Variants in ANO3 observed in about 807,000 individuals in gnomAD.
ANO3 encodes anoctamin 3.
Under a neutral mutation model 144.8 loss-of-function variants are expected in ANO3, and 99 were observed. That is an observed-to-expected ratio of 0.68 (90% CI 0.58 to 0.81). The LOEUF is 0.81. Ranked by LOEUF, ANO3 falls within the 30% of genes least tolerant of loss-of-function variation. The pLI is 0.00. For missense variants in ANO3, 905 were observed against 1,202.2 expected (o/e 0.75, Z 3.66); for synonymous variants, 414 against 392.6 (o/e 1.05, Z -0.64).
intron 3 of ANO3, among the ~76,000 whole-genome samples, chr11:26,447,595 G>T (rs1287082440): frequency 6.6e-6 from 1 of 152,176 alleles, no homozygotes; most frequent in Admixed American, 6.5e-5. Context: ...ACAAGGTGAA[G>T]ATAAAGCTGC....
intron 10 of ANO3, among the ~76,000 whole-genome samples, chr11:26,538,142 G>C (rs1050078029): frequency 2.0e-5 from 3 of 152,150 alleles, no homozygotes; most frequent in African/African-American, 7.2e-5. Flanking sequence ...ACCAATAGTA[G>C]ATAAAATGTA....
intron 22 of ANO3, 54 bp from the exon 23 acceptor site, chr11:26,643,128 A>G (rs780055155): frequency 6.4e-7 from 1 of 1,568,662 alleles, no homozygotes; most frequent in Non-Finnish European, 8.7e-7. Context: ...TAAAGCACCA[A>G]ATTTGTCACA....
chr11:26,315,156 G>A (rs1348242997), intron 1 of ANO3, among the ~76,000 whole-genome samples: 1 of 151,734 alleles, frequency 6.6e-6, no homozygotes, highest in Admixed American at 6.6e-5. Flanking sequence ...CAGATGAAGA[G>A]CAATTCATCT....
chr11:26,200,928 T>G lies in ANO3; in HGVS notation c.154+11598T>G, dbSNP rs1418677647. Among the ~76,000 whole-genome samples the G allele has an allele frequency of 2.0e-5, 3 of 152,172 alleles. No homozygotes were observed. In the East Asian group the frequency reaches 5.8e-4, roughly 29 times the overall value. On this transcript the variant is annotated intron_variant, in intron 1 of 27. Transcript: ENST00000672621. ...ATTAACACCCCTCCACAAAAATCTTTCCTGCTTTAAATTCTCAAAGTTTAA... is the reference window on the plus strand; with the variant it reads ...ATTAACACCCCTCCACAAAAATCTTGCCTGCTTTAAATTCTCAAAGTTTAA...
At chr11:26,216,876 G>A (rs1161104450) in intron 1 of ANO3, among the ~76,000 whole-genome samples, 1 of 152,100 alleles carries the variant, frequency 6.6e-6, no homozygotes, top group East Asian at 1.9e-4. Context: ...TTGGTGAGCT[G>A]TCTGTTCAAA....
intron 11 of ANO3, among the ~76,000 whole-genome samples, chr11:26,543,630 C>T (rs559710556): frequency 1.2e-3 from 181 of 152,164 alleles, no homozygotes; most frequent in African/African-American, 4.2e-3. Flanking sequence ...CACGACAGGC[C>T]CCAGTGTGTG....
chr11:26,345,063 C>T (rs1193567024), intron 1 of ANO3, among the ~76,000 whole-genome samples: 1 of 152,084 alleles, frequency 6.6e-6, no homozygotes. Flanking sequence ...AAATTTTCCT[C>T]ATGTAATCTG....
intron 18 of ANO3, among the ~76,000 whole-genome samples, chr11:26,630,925 C>G (rs888397670): frequency 6.6e-6 from 1 of 151,566 alleles, no homozygotes; most frequent in Non-Finnish European, 1.5e-5. Context: ...TAGAATCAAC[C>G]CATATGACTA....
chr11:26,211,743 T>C (rs541991043), intron 1 of ANO3, among the ~76,000 whole-genome samples: 18 of 152,284 alleles, frequency 1.2e-4, no homozygotes, highest in South Asian at 2.1e-4. Flanking sequence ...ATCATTCTAG[T>C]ATAAAGACAC....
intron 24 of ANO3, among the ~76,000 whole-genome samples, chr11:26,648,192 T>C (rs779942183): frequency 2.0e-5 from 3 of 152,028 alleles, no homozygotes; most frequent in Non-Finnish European, 2.9e-5. Flanking sequence ...TCTTACCGTA[T>C]AGATGGGGAA....
At chr11:26,613,631 A>G (rs553909381) in intron 17 of ANO3, among the ~76,000 whole-genome samples, 1 of 152,222 alleles carries the variant, frequency 6.6e-6, no homozygotes, top group Non-Finnish European at 1.5e-5. Flanking sequence ...GTTTTATAGG[A>G]TAGCATTTGT....
intron 5 of ANO3, among the ~76,000 whole-genome samples, chr11:26,515,273 A>C (rs1861818314): frequency 6.6e-6 from 1 of 151,992 alleles, no homozygotes; most frequent in African/African-American, 2.4e-5. Context: ...TGTCTCAGTA[A>C]GCTATTGAGA....
At chr11:26,233,298 C>G (rs1030535406) in intron 1 of ANO3, among the ~76,000 whole-genome samples, 1 of 151,764 alleles carries the variant, frequency 6.6e-6, no homozygotes, top group South Asian at 2.1e-4. Flanking sequence ...TGAACAGACA[C>G]GTCTCAGAAT....
At chr11:26,428,625 A>G (rs1857988851) in intron 1 of ANO3, among the ~76,000 whole-genome samples, 1 of 152,192 alleles carries the variant, frequency 6.6e-6, no homozygotes, top group African/African-American at 2.4e-5. Flanking sequence ...TTGCAACCTT[A>G]AGCCCTTCCC....
chr11:26,367,892 A>T (rs1186409742), intron 1 of ANO3, among the ~76,000 whole-genome samples: 1 of 152,102 alleles, frequency 6.6e-6, no homozygotes, highest in Non-Finnish European at 1.5e-5. Flanking sequence ...CTTTACAACA[A>T]CCAGGTCTCA....
intron 24 of ANO3, among the ~76,000 whole-genome samples, chr11:26,650,395 C>T (rs181837548): frequency 1.3e-5 from 2 of 152,190 alleles, no homozygotes; most frequent in Non-Finnish European, 2.9e-5. Context: ...ATCTAGGTTC[C>T]GAGGGCAGTC....
rs181718227 is a variant in ANO3, at chr11:26,464,054, T to C, written c.432+906T>C. On this transcript the variant is annotated intron_variant, in intron 4 of 26. Transcript: ENST00000256737. ...TTCTTGAATACAATTTTCTTGGTGA[T>C]ATTTGATTTTGTATTTCTTGGATTA... Among the ~76,000 whole-genome samples the C allele has an allele frequency of 1.8e-3, 272 of 152,014 alleles. 10 individuals carry two copies. The South Asian group carries it at 0.054, about 30-fold the overall frequency.
chr11:26,632,528 A>T (rs1472380836), intron 18 of ANO3, among the ~76,000 whole-genome samples: 1 of 146,770 alleles, frequency 6.8e-6, no homozygotes, highest in Admixed American at 6.8e-5. Flanking sequence ...GAAAAAAAAA[A>T]TTTATATATA....
At chr11:26,590,080 A>G (rs1252500356) in intron 14 of ANO3, among the ~76,000 whole-genome samples, 4 of 152,162 alleles carry the variant, frequency 2.6e-5, no homozygotes, top group Non-Finnish European at 5.9e-5. Context: ...TTACCCTCTA[A>G]GAGAATAGAT....
Sources: allele counts gnomAD v4.1 joint callset (sites outside exome capture counted in the v4.1 genomes callset), GRCh38; gene constraint gnomAD v4.1.1; transcripts MANE v1.5; gene names NCBI Gene and HGNC (gene_info 2026-07-23, HGNC 2026-07-21).